Variants in NOTCH3 observed in about 807,000 individuals in gnomAD.
NOTCH3 encodes neurogenic locus notch homolog protein 3.
A neutral mutation model predicts 213.3 loss-of-function variants in NOTCH3; 86 were observed. The ratio of observed to expected loss-of-function variants is 0.40; its 90% confidence interval spans 0.34 to 0.48. The LOEUF (loss-of-function observed/expected upper bound fraction) is 0.48, where lower values mean the gene tolerates loss of function less well. NOTCH3 is among the 20% of genes least tolerant of loss of function. The pLI is 0.57. For synonymous variants in NOTCH3, 1,354 were observed against 1,355.9 expected (o/e 1.00, Z 0.03); for missense variants, 2,783 against 3,272.6 (o/e 0.85, Z 3.65).
chr19:15,168,250 A>G (rs1008276218), intron 28 of NOTCH3, among the ~76,000 whole-genome samples: 3 of 152,094 alleles, frequency 2.0e-5, no homozygotes, highest in African/African-American at 7.2e-5. Flanking sequence ...CCACAATTAC[A>G]TTGGGCCACC....
At position 15,179,439 on chromosome 19, in the gene NOTCH3, G is replaced by T. The variant is rs1385226387; in HGVS notation, c.3385C>A (p.Gln1129Lys). 1.2e-6 allele frequency: 2 copies of T among 1,614,094 alleles called. No homozygotes were observed. Among genetic ancestry groups the T allele is most frequent in the Non-Finnish European group, 1.7e-6 (2 of 1,180,024 alleles). The part of the protein sequence containing the change: ...CEDDVDECAS[Q>K]PCQHGGSCID... ...CATGAACCCCCGTGCTGGCAGGGCT[G>T]GGAGGCACACTCGTCCACGTCGTCC... is the stretch of plus-strand genomic sequence containing the variant. Residue 1129 changes from glutamine to lysine, a missense_variant, in exon 21 of 33, where the codon CAG becomes AAG. By Grantham distance (53) the Gln-to-Lys change is moderately conservative. Transcript: ENST00000263388.
At position 15,161,320 on chromosome 19, in the gene NOTCH3, T is replaced by C. The variant is rs2145382075; in HGVS notation, c.6308A>G (p.Asp2103Gly). ...GAAAGGCCGCGGGGAGTCCAGCGAG[T>C]CCACGGGCGACAGCGTGACCGAGCT... ...ADSSVTLSPV[D>G]SLDSPRPFGG... The change falls in exon 33 of 33, where the codon GAC (aspartate) becomes GGC (glycine). Residue 2103 changes from aspartate (D) to glycine (G), a missense_variant. Around this residue, in one of 6 missense-constraint regions of NOTCH3, gnomAD observed 441 missense variants for 432.1 expected, o/e 1.02. Transcript: ENST00000263388. 6.6e-7 allele frequency: 1 copy of C among 1,525,030 alleles called. No homozygotes were observed. Among genetic ancestry groups the C allele is most frequent in the Non-Finnish European group, 8.8e-7 (1 of 1,138,204 alleles). 94.5% of individuals were successfully genotyped at this position (1,525,030 alleles called of 1,614,324 possible).
Position 15,185,149 on chromosome 19 carries a change from T to C in NOTCH3, c.2296+108A>G, listed in dbSNP as rs1340698648. On this transcript the variant is annotated intron_variant, in intron 14 of 32. Transcript: ENST00000263388. The surrounding 1 kb of genome is among the most constrained non-coding windows in gnomAD (Gnocchi z 4.2). ...CTCCCAAGCTCCTGGAGGGAAATGA[T>C]TGAAAGCAAAAAAGAAGCTAACATA... 6.7e-7 allele frequency: 1 copy of C among 1,491,650 alleles called. No individual in the cohort carries two copies. Among genetic ancestry groups the C allele is most frequent in the Non-Finnish European group, 9.3e-7 (1 of 1,080,386 alleles). The allele number at this position is 1,491,650 out of a possible 1,614,324, so 92.4% of individuals were successfully genotyped here.
chr19:15,164,461 A>C (rs1292856357), intron 31 of NOTCH3, among the ~76,000 whole-genome samples: 6 of 151,454 alleles, frequency 4.0e-5, no homozygotes, highest in Non-Finnish European at 8.8e-5. Flanking sequence ...GAATCACTGG[A>C]ACCTGGGTAG....
At position 15,165,285 on chromosome 19, in the gene NOTCH3, A is replaced by C; in HGVS notation, c.5815+83T>G. Reference sequence around the variant, plus strand: ...TGAGCTTCAGTGATTGGGTCTCAACATGGGTATGAATTTGCACCAACATGA... The same window carrying C: ...TGAGCTTCAGTGATTGGGTCTCAACCTGGGTATGAATTTGCACCAACATGA... On this transcript the variant is annotated intron_variant, in intron 31 of 32. Transcript: ENST00000263388. This position sits in a 1 kb window ranked among gnomAD's most constrained non-coding sequence, Gnocchi z 4.7. 1 of 1,421,100 alleles carries C rather than the reference A, an allele frequency of 7.0e-7. No individual in the cohort carries two copies. The highest frequency in any genetic ancestry group is 1.4e-5 in the African/African-American group (1 of 71,462). The allele number at this position is 1,421,100 out of a possible 1,614,324, so 88.0% of individuals were successfully genotyped here. A position where few individuals can be genotyped will look rare whatever the true frequency, so the allele number is the denominator to read the frequency against.
At chr19:15,184,183 G>A (rs922772849) in intron 16 of NOTCH3, 112 bp downstream of exon 16, 35 of 1,148,660 alleles carry the variant, frequency 3.0e-5, no homozygotes, top group Middle Eastern at 3.9e-4. Flanking sequence ...AATAAAACGG[G>A]AAAAGTAAGA....
At chr19:15,175,590 T>TATATGTATATATAC (rs150169616) in intron 24 of NOTCH3, among the ~76,000 whole-genome samples, 2 of 107,132 alleles carry the variant, frequency 1.9e-5, no homozygotes, top group Non-Finnish European at 3.5e-5. Flanking sequence ...TATATGTATA[T>TATATGTATATATAC]ACACACACAC....
intron 25 of NOTCH3, among the ~76,000 whole-genome samples, chr19:15,171,046 A>G (rs1176512568): frequency 6.6e-6 from 1 of 152,006 alleles, no homozygotes; most frequent in Non-Finnish European, 1.5e-5. Flanking sequence ...AATCCAATGG[A>G]TATTATTTTT....
chr19:15,175,556 C>CATATATATATATATATAT (rs71168593), intron 24 of NOTCH3, among the ~76,000 whole-genome samples: 2 of 90,220 alleles, frequency 2.2e-5, no homozygotes, highest in African/African-American at 9.3e-5. Context: ...AAAAAAAATA[C>CATATATATATATATATAT]ATATATATAT....
In NOTCH3 at chr19:15,174,036, C is replaced by A. The variant is rs535326203; in HGVS notation, c.4736+32G>T. The A allele has an allele frequency of 2.0e-6, 3 of 1,518,780 alleles. No homozygotes were observed. The South Asian group carries it at 3.8e-5, about 19-fold the overall frequency. 94.1% of individuals were successfully genotyped at this position (1,518,780 alleles called of 1,614,324 possible). On this transcript the variant is annotated intron_variant, in intron 25 of 32. Transcript: ENST00000263388. ...TCAACAGCATCTCTCCTCTCCCCAGCCACCACGGCTTTTCCAGGTGGGGTC... is the reference window on the plus strand; with the variant it reads ...TCAACAGCATCTCTCCTCTCCCCAGACACCACGGCTTTTCCAGGTGGGGTC...
chr19:15,159,046 G>A lies in NOTCH3; in HGVS notation c.*1616C>T, dbSNP rs1398896348. 6.6e-6 allele frequency: 1 copy of A among 152,162 alleles called. No individual in the cohort carries two copies. The highest frequency in any genetic ancestry group is 1.5e-5 in the Non-Finnish European group (1 of 68,038). The allele number at this position is 152,162 out of a possible 1,614,324, so 9.4% of individuals were successfully genotyped here. ...CAGAAACCCACCGAAGCTGGCACAA[G>A]TAAAGAAGTATTTATTACATGGGTC... On this transcript the variant is annotated 3_prime_UTR_variant, in exon 33 of 33. Coordinates refer to ENST00000263388, the MANE Select transcript of NOTCH3 (RefSeq NM_000435.3).
chr19:15,178,628 T>C, intron 23 of NOTCH3, 195 bp downstream of exon 23: 1 of 628,510 alleles, frequency 1.6e-6, no homozygotes, highest in Non-Finnish European at 2.9e-6. Flanking sequence ...CAAGTGATCC[T>C]CCCGCCTCGG....
rs112197217 is a variant in NOTCH3 at position 15,179,425 on chromosome 19, G to A, written c.3399C>T (p.His1133=). The A allele has an allele frequency of 9.9e-6, 16 of 1,613,872 alleles. No individual in the cohort carries two copies. Among genetic ancestry groups the A allele is most frequent in the Admixed American group, 6.7e-5 (4 of 59,988 alleles). The change falls in exon 21 of 33, where the codon CAC becomes CAT. Residue 1133 remains histidine, a synonymous_variant. Coordinates refer to ENST00000263388, the MANE Select transcript of NOTCH3 (RefSeq NM_000435.3). ...VDECASQPCQ[H]GGSCIDLVAR... ...CCACGAGGTCAATGCATGAACCCCC[G>A]TGCTGGCAGGGCTGGGAGGCACACT...
In NOTCH3 at chr19:15,186,996, C is replaced by T; in HGVS notation, c.1841-8G>A. 6.2e-7 allele frequency: 1 copy of T among 1,613,646 alleles called. No homozygotes were observed. The highest frequency in any genetic ancestry group is 8.5e-7 in the Non-Finnish European group (1 of 1,179,714). On this transcript the variant is annotated splice_region_variant and splice_polypyrimidine_tract_variant and intron_variant, in intron 11 of 32. Coordinates refer to ENST00000263388, the MANE Select transcript of NOTCH3 (RefSeq NM_000435.3). ...TCACTTCGCAGTTCACACCTAGGGG[C>T]CAGGAACATGGCATGGAGTGGCCAC... is the stretch of plus-strand genomic sequence containing the variant.
intron 20 of NOTCH3, among the ~76,000 whole-genome samples, chr19:15,179,852 G>A (rs979970921): frequency 6.6e-6 from 1 of 152,048 alleles, no homozygotes; most frequent in East Asian, 1.9e-4. Flanking sequence ...CACTGCACTC[G>A]TCTGGGTGAC....
Position 15,161,055 on chromosome 19 carries a change from C to T in NOTCH3, c.6573G>A (p.Pro2191=), listed in dbSNP as rs576653145. 92 of 1,538,444 alleles carry T rather than the reference C, an allele frequency of 6.0e-5. No individual in the cohort carries two copies. In the African/African-American group the frequency reaches 9.4e-4, roughly 16 times the overall value. The change falls in exon 33 of 33, where the codon CCG becomes CCA. Residue 2191 remains proline (P), a synonymous_variant. Coordinates refer to ENST00000263388, the MANE Select transcript of NOTCH3 (RefSeq NM_000435.3). Reference sequence around the variant, plus strand: ...TCCCTGGGTTGAGCAGCTGGGGTCCCGGCGCCAGTGGCAGCAGGAACGAGG... The same window carrying T: ...TCCCTGGGTTGAGCAGCTGGGGTCCTGGCGCCAGTGGCAGCAGGAACGAGG... ...PGPSFLLPLA[P]GPQLLNPGTP...
Position 15,161,319 on chromosome 19 carries a change from G to T in NOTCH3, c.6309C>A (p.Asp2103Glu). The change falls in exon 33 of 33, where the codon GAC becomes GAA. Residue 2103 changes from aspartate to glutamate, a missense_variant. Asp to Glu is a conservative substitution (Grantham distance 45). Transcript: ENST00000263388. ...ADSSVTLSPV[D>E]SLDSPRPFGG... ...CGAAAGGCCGCGGGGAGTCCAGCGA[G>T]TCCACGGGCGACAGCGTGACCGAGC... 7 of 1,526,292 alleles carry T rather than the reference G, an allele frequency of 4.6e-6. No individual in the cohort carries two copies. Among genetic ancestry groups the T allele is most frequent in the African/African-American group, 2.7e-5 (2 of 73,438 alleles). The allele number at this position is 1,526,292 out of a possible 1,614,324, so 94.5% of individuals were successfully genotyped here.
intron 24 of NOTCH3, among the ~76,000 whole-genome samples, chr19:15,174,892 AATTG>A (rs1394612628): frequency 2.0e-5 from 3 of 151,670 alleles, no homozygotes; most frequent in African/African-American, 7.3e-5. Flanking sequence ...TATTTTTTTA[AATTG>A]ATTGATTGAA....
At chr19:15,178,756 G>A (rs1421181708) in intron 23 of NOTCH3, 67 bp downstream of exon 23, 15 of 1,124,330 alleles carry the variant, frequency 1.3e-5, no homozygotes, top group Non-Finnish European at 1.8e-5. Flanking sequence ...CCTCCTAGAC[G>A]CCACGCCCCT....
Sources: gnomAD v4.1 joint callset for allele counts (sites outside exome capture counted in the v4.1 genomes callset) on GRCh38, gnomAD v4.1.1 for gene constraint, gnomAD v4.1.1 regional missense constraint, Gnocchi (gnomAD v3.1) non-coding constraint, MANE v1.5 for transcripts, NCBI Gene and HGNC (gene_info 2026-07-23, HGNC 2026-07-21) for gene names.